The following RAP1GAP2 variants were observed in gnomAD, a reference collection of about 807,000 sequenced individuals.
The protein encoded by RAP1GAP2 is RAP1 GTPase activating protein 2, also known as rap1 GTPase-activating protein 2.
In RAP1GAP2, 27 loss-of-function variants were observed where a neutral mutation model predicts 95.0. That is an observed-to-expected ratio of 0.28 (90% CI 0.21 to 0.39). RAP1GAP2 has a LOEUF of 0.39. Ranked by LOEUF, RAP1GAP2 falls within the 10% of genes least tolerant of loss-of-function variation. RAP1GAP2 has a pLI of 1.00. For missense variants in RAP1GAP2, 771 were observed against 970.0 expected (o/e 0.79, Z 2.72); for synonymous variants, 373 against 380.9 (o/e 0.98, Z 0.24).
intron 1 of RAP1GAP2, among the ~76,000 whole-genome samples, chr17:2,760,292 C>CAAAAAAAAAAAAA (rs374784170): frequency 1.4e-4 from 8 of 59,210 alleles, no homozygotes; most frequent in East Asian, 5.0e-4. Flanking sequence ...GACTCTGTCT[C>CAAAAAAAAAAAAA]AAAAAAAAAA....
At chr17:3,001,083 G>C (rs12945289) in intron 14 of RAP1GAP2, among the ~76,000 whole-genome samples, 21 of 22,434 alleles carry the variant, frequency 9.4e-4, no homozygotes, top group East Asian at 5.5e-3. Context: ...AAGTGAGGCT[G>C]GTGGAGGTAA....
chr17:3,019,475 C>T (rs1306167537), intron 18 of RAP1GAP2, among the ~76,000 whole-genome samples: 2 of 152,166 alleles, frequency 1.3e-5, no homozygotes, highest in Non-Finnish European at 2.9e-5. Context: ...AATTGGGCCA[C>T]TGCACTCCAG....
At chr17:2,769,156 C>T (rs1195551678) in intron 1 of RAP1GAP2, among the ~76,000 whole-genome samples, 1 of 145,798 alleles carries the variant, frequency 6.9e-6, no homozygotes, top group African/African-American at 2.5e-5. Context: ...TGCTTGAGTC[C>T]ACAGGTTGGA....
chr17:2,840,823 C>T (rs2071344273), intron 2 of RAP1GAP2, among the ~76,000 whole-genome samples: 1 of 152,032 alleles, frequency 6.6e-6, no homozygotes, highest in Non-Finnish European at 1.5e-5. Context: ...TATGGTGACA[C>T]CCTGTCTCTA....
chr17:2,826,254 C>T (rs2070558493), intron 2 of RAP1GAP2, among the ~76,000 whole-genome samples: 1 of 150,724 alleles, frequency 6.6e-6, no homozygotes, highest in African/African-American at 2.4e-5. Context: ...CTCGGCCTCC[C>T]CAAGTGCTGG....
intron 8 of RAP1GAP2, among the ~76,000 whole-genome samples, chr17:2,967,142 GT>G (rs1390555630): frequency 6.6e-6 from 1 of 152,110 alleles, no homozygotes; most frequent in Non-Finnish European, 1.5e-5. Context: ...GTCAAGGCGG[GT>G]GGATCACGAG....
chr17:2,985,588 C>G (rs2151549512), intron 11 of RAP1GAP2, among the ~76,000 whole-genome samples: 1 of 152,314 alleles, frequency 6.6e-6, no homozygotes, highest in Middle Eastern at 3.4e-3. Flanking sequence ...GGGTTTCTAT[C>G]TTCCTCCTTT....
intron 13 of RAP1GAP2, among the ~76,000 whole-genome samples, chr17:2,996,997 G>C (rs1173731459): frequency 1.3e-5 from 2 of 152,160 alleles, no homozygotes; most frequent in Non-Finnish European, 2.9e-5. Context: ...TGTGTGTGAG[G>C]AGGGCTGTCA....
chr17:2,951,675 G>A (rs988360702), intron 3 of RAP1GAP2, among the ~76,000 whole-genome samples: 1 of 152,062 alleles, frequency 6.6e-6, no homozygotes, highest in African/African-American at 2.4e-5. Flanking sequence ...CTGTGATCAT[G>A]CCACTGCACT....
chr17:2,977,447 C>A (rs1251236007), intron 8 of RAP1GAP2, among the ~76,000 whole-genome samples: 3 of 152,014 alleles, frequency 2.0e-5, no homozygotes, highest in Non-Finnish European at 4.4e-5. Flanking sequence ...ATTATACAAA[C>A]TATTTCAAAG....
At chr17:2,941,721 T>C (rs1597672434) in intron 3 of RAP1GAP2, among the ~76,000 whole-genome samples, 1 of 146,410 alleles carries the variant, frequency 6.8e-6, no homozygotes, top group South Asian at 2.2e-4. Context: ...CAGGCTGGAG[T>C]GCAGTGGTGT....
chr17:2,783,111 A>C (rs1251249503), intron 1 of RAP1GAP2, among the ~76,000 whole-genome samples: 1 of 152,156 alleles, frequency 6.6e-6, no homozygotes, highest in East Asian at 1.9e-4. Flanking sequence ...ACAAGGTCAC[A>C]CAGCTAGTAA....
intron 2 of RAP1GAP2, among the ~76,000 whole-genome samples, chr17:2,820,268 G>A (rs1390361060): frequency 1.3e-5 from 2 of 152,086 alleles, no homozygotes; most frequent in African/African-American, 4.8e-5. Context: ...GTCATGAGGG[G>A]TACCTAGAGG....
At chr17:2,876,780 A>G (rs756362404) in intron 2 of RAP1GAP2, among the ~76,000 whole-genome samples, 2 of 151,704 alleles carry the variant, frequency 1.3e-5, no homozygotes, top group Non-Finnish European at 2.9e-5. Context: ...ACCCCTTCCC[A>G]TCATGGCCTG....
chr17:3,026,008 T>C lies in RAP1GAP2; in HGVS notation c.1752T>C (p.Cys584=), dbSNP rs750445932. 6.2e-7 allele frequency: 1 copy of C among 1,609,394 alleles called. No individual in the cohort carries two copies. The highest frequency in any genetic ancestry group is 2.2e-5 in the East Asian group (1 of 44,840). The change falls in exon 20 of 25, where the codon TGT becomes TGC. Residue 584 remains cysteine (C), a splice_region_variant and synonymous_variant. Coordinates refer to ENST00000254695, the MANE Select transcript of RAP1GAP2 (RefSeq NM_015085.5). The part of the protein sequence containing the change: ...SEGQGDSRAR[C]DSTSSTPKTP... ...TCACTCCTCATTTCCATTCCCTCAG[T>C]GACAGCACATCCAGCACACCCAAGA...
intron 14 of RAP1GAP2, among the ~76,000 whole-genome samples, chr17:2,998,870 A>G (rs934529618): frequency 6.6e-6 from 1 of 152,186 alleles, no homozygotes; most frequent in Non-Finnish European, 1.5e-5. Flanking sequence ...CAGAGCTGGA[A>G]TAAAGAAAGA....
intron 2 of RAP1GAP2, among the ~76,000 whole-genome samples, chr17:2,860,359 C>T (rs2072326432): frequency 6.6e-6 from 1 of 152,140 alleles, no homozygotes; most frequent in Non-Finnish European, 1.5e-5. Flanking sequence ...CCACTATTCA[C>T]TTCACCAAAG....
At chr17:2,886,923 T>C (rs1425371410) in intron 2 of RAP1GAP2, among the ~76,000 whole-genome samples, 1 of 152,236 alleles carries the variant, frequency 6.6e-6, no homozygotes, top group Non-Finnish European at 1.5e-5. Flanking sequence ...TTACCGTCTC[T>C]GAGCCTCAGT....
intron 2 of RAP1GAP2, among the ~76,000 whole-genome samples, chr17:2,824,213 C>T (rs535576873): frequency 3.1e-4 from 47 of 151,408 alleles, no homozygotes; most frequent in Non-Finnish European, 5.9e-4. Context: ...TTTGGGAGGC[C>T]GAGGCAGATG....
Sources: allele counts gnomAD v4.1 joint callset (sites outside exome capture counted in the v4.1 genomes callset), GRCh38; gene constraint gnomAD v4.1.1; transcripts MANE v1.5; gene names NCBI Gene and HGNC (gene_info 2026-07-23, HGNC 2026-07-21).